The following IL12RB2 variants were observed in gnomAD, a reference collection of about 807,000 sequenced individuals.
IL12RB2 encodes the protein interleukin-12 receptor subunit beta-2.
IL12RB2 carries 82 observed loss-of-function variants against 89.4 expected under a neutral mutation model. The observed-to-expected ratio is 0.92, with a 90% CI of 0.77 to 1.10. The LOEUF is 1.10. Ranked by LOEUF, IL12RB2 falls within the 50% of genes least tolerant of loss-of-function variation. IL12RB2 has a pLI of 0.00. For missense variants in IL12RB2, 963 were observed against 1,031.9 expected (o/e 0.93, Z 0.92); for synonymous variants, 368 against 370.1 (o/e 0.99, Z 0.07).
chr1:67,360,115 C>A (rs946880291), intron 10 of IL12RB2, among the ~76,000 whole-genome samples: 2 of 151,938 alleles, frequency 1.3e-5, no homozygotes, highest in Non-Finnish European at 2.9e-5. Context: ...TGGAGCTTGA[C>A]CAGGGGCTGG....
chr1:67,322,857 C>G (rs1282929826), intron 4 of IL12RB2, among the ~76,000 whole-genome samples: 2 of 152,212 alleles, frequency 1.3e-5, no homozygotes, highest in Admixed American at 6.5e-5. Flanking sequence ...CAGCAGCACA[C>G]CTACCTGCAG....
chr1:67,354,411 G>C (rs538503000), intron 10 of IL12RB2, among the ~76,000 whole-genome samples: 2 of 152,140 alleles, frequency 1.3e-5, no homozygotes, highest in Non-Finnish European at 2.9e-5. Context: ...ATGATGAGGA[G>C]CCAGTGACCA....
At chr1:67,379,851 T>G in intron 13 of IL12RB2, 135 bp from the exon 14 acceptor site, 1 of 725,234 alleles carries the variant, frequency 1.4e-6, no homozygotes, top group Non-Finnish European at 2.4e-6. Context: ...ACTGAGGAAT[T>G]TGGACTATTT....
chr1:67,393,830 G>A (rs1666081659), intron 16 of IL12RB2, among the ~76,000 whole-genome samples: 1 of 152,192 alleles, frequency 6.6e-6, no homozygotes, highest in South Asian at 2.1e-4. Context: ...CAGTGTTGGA[G>A]TTGGGACTAG....
At chr1:67,311,988 T>C (rs1655123643) in intron 1 of IL12RB2, among the ~76,000 whole-genome samples, 1 of 152,204 alleles carries the variant, frequency 6.6e-6, no homozygotes, top group South Asian at 2.1e-4. Flanking sequence ...CCTGCCATTG[T>C]CCACAAACAG....
chr1:67,372,352 A>G, intron 11 of IL12RB2, 84 bp from the exon 12 acceptor site: 2 of 806,488 alleles, frequency 2.5e-6, no homozygotes, highest in South Asian at 2.7e-5. Flanking sequence ...CCTTGAAAGC[A>G]TTTGTATCAG....
rs185094293 is a variant in IL12RB2 at position 67,378,182 on chromosome 1, G to C, written c.1718-1804G>C. Among the ~76,000 whole-genome samples the C allele has an allele frequency of 1.9e-4, 29 of 152,260 alleles. No individual in the cohort carries two copies. The East Asian group carries it at 5.2e-3, about 27-fold the overall frequency. ...TTGAAATTTGTCTATTTTGTTTTTA[G>C]TTGACACAGGCTACTTCTGCTAGAG... On this transcript the variant is annotated intron_variant, in intron 13 of 16. Coordinates refer to ENST00000674203, the MANE Select transcript of IL12RB2 (RefSeq NM_001374259.2).
At chr1:67,358,300 G>T (rs1661616779) in intron 10 of IL12RB2, among the ~76,000 whole-genome samples, 1 of 152,166 alleles carries the variant, frequency 6.6e-6, no homozygotes, top group Non-Finnish European at 1.5e-5. Context: ...AACTGGCTGG[G>T]CATGGTGGCT....
intron 10 of IL12RB2, among the ~76,000 whole-genome samples, chr1:67,356,462 T>C (rs1459982527): frequency 1.3e-5 from 2 of 152,190 alleles, no homozygotes; most frequent in Admixed American, 6.5e-5. Flanking sequence ...GTGAGCTGGC[T>C]GACCCTTCAG....
chr1:67,346,782 T>C (rs1660286802), intron 9 of IL12RB2, among the ~76,000 whole-genome samples: 1 of 152,176 alleles, frequency 6.6e-6, no homozygotes, highest in Admixed American at 6.6e-5. Context: ...ACAAATTACA[T>C]GTATTTTGTA....
In IL12RB2 at chr1:67,321,722, A is replaced by G. The variant is rs142497181; in HGVS notation, c.197A>G (p.Asn66Ser). The change falls in exon 4 of 17, where the codon AAC becomes AGC. Residue 66 changes from asparagine to serine, a missense_variant. By Grantham distance (46) the Asn-to-Ser change is conservative (BLOSUM62 1). Transcript: ENST00000674203. ...GGCTGCTTTCACTATTCCAGACGTA[A>G]CAAGTTAATCCTGTACAAGTTTGAC... ...RQGCFHYSRR[N>S]KLILYKFDRR... 11 of 1,612,254 alleles carry G rather than the reference A, an allele frequency of 6.8e-6. No homozygotes were observed. The highest frequency in any genetic ancestry group is 8.5e-6 in the Non-Finnish European group (10 of 1,178,466).
At chr1:67,323,801 A>G (rs944496270) in intron 4 of IL12RB2, among the ~76,000 whole-genome samples, 4 of 152,206 alleles carry the variant, frequency 2.6e-5, no homozygotes, top group Admixed American at 2.6e-4. Context: ...AGCCAAAGGA[A>G]AAACAGAAGG....
chr1:67,350,442 A>G (rs1049569932), intron 9 of IL12RB2, among the ~76,000 whole-genome samples: 2 of 152,316 alleles, frequency 1.3e-5, no homozygotes, highest in East Asian at 3.9e-4. Flanking sequence ...AGAAAAGGTT[A>G]TATGTGTGTG....
chr1:67,371,056 G>A (rs1002446176), intron 11 of IL12RB2, among the ~76,000 whole-genome samples: 6 of 152,184 alleles, frequency 3.9e-5, no homozygotes, highest in Non-Finnish European at 5.9e-5. Context: ...ACGACTAGGG[G>A]CAGAACAGCC....
intron 4 of IL12RB2, among the ~76,000 whole-genome samples, chr1:67,322,984 G>A (rs1013531117): frequency 3.3e-5 from 5 of 152,182 alleles, no homozygotes; most frequent in Non-Finnish European, 5.9e-5. Context: ...AAGCTTTGGC[G>A]TGGCAGACAA....
Position 67,328,199 on chromosome 1 carries a change from G to A in IL12RB2, c.480-1G>A, listed in dbSNP as rs1232866382. ...TACACGTGGTTGTGTTTTGTTTACA[G>A]GCTAAGTGGACCAAAAAATTTAACC... On this transcript the variant is annotated splice_acceptor_variant, in intron 5 of 16. Coordinates refer to ENST00000674203, the MANE Select transcript of IL12RB2 (RefSeq NM_001374259.2). LOFTEE classifies it high-confidence loss of function. 2 of 1,608,538 alleles carry A rather than the reference G, an allele frequency of 1.2e-6. No homozygotes were observed. Among genetic ancestry groups the A allele is most frequent in the Non-Finnish European group, 1.7e-6 (2 of 1,174,936 alleles).
chr1:67,356,290 C>T (rs1661385668), intron 10 of IL12RB2, among the ~76,000 whole-genome samples: 1 of 152,146 alleles, frequency 6.6e-6, no homozygotes, highest in Admixed American at 6.5e-5. Flanking sequence ...ACCAAGGGAG[C>T]TTTCTACTTG....
chr1:67,320,186 T>G (rs1656308019), intron 2 of IL12RB2, 147 bp from the exon 3 acceptor site: 1 of 1,296,974 alleles, frequency 7.7e-7, no homozygotes, highest in Admixed American at 2.3e-5. Flanking sequence ...GATTTACTAG[T>G]TTTAAAGGTA....
chr1:67,397,765 CACCCCGT>C lies in IL12RB2; in HGVS notation c.*1682_*1688del, dbSNP rs563167413. Among the ~76,000 whole-genome samples the C allele has an allele frequency of 4.4e-3, 676 of 152,344 alleles. 3 individuals carry two copies. The highest frequency in any genetic ancestry group is 0.015 in the African/African-American group (635 of 41,578). ...TTAAATTCCTGTCAAGCCTGGGGTCCACCCCGTACCCCTTCCCACATGAACGCTGGAA... is the reference window on the plus strand; with the variant it reads ...TTAAATTCCTGTCAAGCCTGGGGTCCACCCCTTCCCACATGAACGCTGGAA... On this transcript the variant is annotated 3_prime_UTR_variant, in exon 17 of 17. Coordinates refer to ENST00000674203, the MANE Select transcript of IL12RB2 (RefSeq NM_001374259.2).
Sources: gnomAD v4.1 joint callset for allele counts (sites outside exome capture counted in the v4.1 genomes callset) on GRCh38, gnomAD v4.1.1 for gene constraint, MANE v1.5 for transcripts, NCBI Gene and HGNC (gene_info 2026-07-23, HGNC 2026-07-21) for gene names.